Variants in PPP6R2 observed in about 807,000 individuals in gnomAD.
PPP6R2 encodes serine/threonine-protein phosphatase 6 regulatory subunit 2.
PPP6R2 carries 62 observed loss-of-function variants against 100.2 expected under a neutral mutation model. The ratio of observed to expected loss-of-function variants is 0.62; its 90% CI spans 0.50 to 0.76. The LOEUF (loss-of-function observed/expected upper bound fraction) is 0.76, where lower values mean the gene tolerates loss of function less well. Ranked by LOEUF, PPP6R2 falls within the 30% of genes least tolerant of loss-of-function variation. PPP6R2 has a pLI of 0.00. For missense variants in PPP6R2, 1,142 were observed against 1,276.3 expected (o/e 0.89, Z 1.60); for synonymous variants, 525 against 514.7 (o/e 1.02, Z -0.27).
rs375288131 is a variant in PPP6R2 at position 50,432,327 on chromosome 22, G to T, written c.1398G>T (p.Thr466=). ...AGGCCTGGGAAGCCAACGACCACACGCAGTAAGAGCCGCTCGGACGTGGAG... is the reference window on the plus strand; with the variant it reads ...AGGCCTGGGAAGCCAACGACCACACTCAGTAAGAGCCGCTCGGACGTGGAG... ...ILEAWEANDH[T]QAAGGMRRGN... The change falls in exon 12 of 24, where the codon ACG becomes ACT. Residue 466 remains threonine (T), a splice_region_variant and synonymous_variant. Transcript: ENST00000612753. 264 of 1,549,006 alleles carry T rather than the reference G, an allele frequency of 1.7e-4. 1 individual carries two copies. In the East Asian group the frequency reaches 2.9e-3, roughly 17 times the overall value.
At position 50,427,783 on chromosome 22, in the gene PPP6R2, C is replaced by T. The variant is rs189265846; in HGVS notation, c.1126-3390C>T. ...TCGCCCAGGCTGGAGTGCAGTGGCGCGATCTCGGCTCACTGCAGGCTCCGC... is the reference window on the plus strand; with the variant it reads ...TCGCCCAGGCTGGAGTGCAGTGGCGTGATCTCGGCTCACTGCAGGCTCCGC... On this transcript the variant is annotated intron_variant, in intron 10 of 23. Coordinates refer to ENST00000612753, the MANE Select transcript of PPP6R2 (RefSeq NM_001242898.2). Among the ~76,000 whole-genome samples, 514 of 152,300 alleles carry T rather than the reference C, an allele frequency of 3.4e-3. 1 individual carries two copies. The highest frequency in any genetic ancestry group is 6.5e-3 in the Admixed American group (100 of 15,294).
chr22:50,407,860 T>G (rs1051974550), intron 4 of PPP6R2, among the ~76,000 whole-genome samples: 50 of 152,150 alleles, frequency 3.3e-4, no homozygotes, highest in African/African-American at 1.1e-3. Context: ...CCAGATTATT[T>G]CTCATGTAAA....
At chr22:50,377,549 TGAA>T (rs1160577134) in intron 2 of PPP6R2, among the ~76,000 whole-genome samples, 5 of 152,074 alleles carry the variant, frequency 3.3e-5, no homozygotes, top group Non-Finnish European at 4.4e-5. Context: ...TTACCCAGAA[TGAA>T]GCACAGAGAA....
upstream of PPP6R2, among the ~76,000 whole-genome samples, chr22:50,338,779 TG>T: frequency 7.3e-6 from 1 of 136,870 alleles, no homozygotes; most frequent in African/African-American, 2.8e-5. Context: ...GTGTGGTATG[TG>T]GTGTGTGTGG....
intron 4 of PPP6R2, among the ~76,000 whole-genome samples, chr22:50,408,642 C>A (rs2059323369): frequency 6.6e-6 from 1 of 152,122 alleles, no homozygotes; most frequent in African/African-American, 2.4e-5. Context: ...CCTTTACTAC[C>A]TGGCCCTTGC....
rs1490737333 is a variant in PPP6R2 at position 50,436,490 on chromosome 22, G to A, written c.1602+38G>A. On this transcript the variant is annotated intron_variant, in intron 14 of 23. Transcript: ENST00000612753. ...GGGGCTGCCCCCTCGGTGCACGCACGGTGCTGGGACGCCGTCAGACGCTCC... is the reference window on the plus strand; with the variant it reads ...GGGGCTGCCCCCTCGGTGCACGCACAGTGCTGGGACGCCGTCAGACGCTCC... 8 of 1,549,992 alleles carry A rather than the reference G, an allele frequency of 5.2e-6. No homozygotes were observed. In the Admixed American group the frequency reaches 5.9e-5, roughly 11 times the overall value.
upstream of PPP6R2, among the ~76,000 whole-genome samples, chr22:50,340,514 TGGTGTGTGTG>T (rs1246722483): frequency 1.8e-5 from 2 of 110,120 alleles, no homozygotes; most frequent in African/African-American, 1.0e-4. Context: ...GGTGTGTGTG[TGGTGTGTGTG>T]GGGGGTATGT....
chr22:50,357,397 C>T (rs929415438), intron 1 of PPP6R2, among the ~76,000 whole-genome samples: 2 of 150,944 alleles, frequency 1.3e-5, no homozygotes, highest in African/African-American at 2.5e-5. Context: ...TCTTTCCCTC[C>T]CTCTCTCCAT....
intron 17 of PPP6R2, 99 bp downstream of exon 17, chr22:50,437,999 G>A: frequency 2.0e-6 from 3 of 1,512,824 alleles, no homozygotes; most frequent in South Asian, 1.1e-5. Context: ...CGGTGGGGCT[G>A]GGAGAGGCCC....
intron 12 of PPP6R2, among the ~76,000 whole-genome samples, chr22:50,434,034 G>A (rs558623417): frequency 6.4e-4 from 41 of 64,134 alleles, no homozygotes; most frequent in African/African-American, 2.6e-3. Context: ...GAGGAGGGCC[G>A]GGGGCGCGGA....
At chr22:50,365,910 G>C (rs1240322247) in intron 1 of PPP6R2, among the ~76,000 whole-genome samples, 1 of 151,948 alleles carries the variant, frequency 6.6e-6, no homozygotes, top group Non-Finnish European at 1.5e-5. Flanking sequence ...TAACTCATCT[G>C]TGTCATTTCT....
intron 2 of PPP6R2, among the ~76,000 whole-genome samples, chr22:50,392,532 C>T (rs576087659): frequency 1.3e-5 from 2 of 152,162 alleles, no homozygotes; most frequent in Non-Finnish European, 2.9e-5. Flanking sequence ...GCTGCAGGGC[C>T]TCACCCTTAG....
chr22:50,438,092 C>G (rs1356489710), intron 17 of PPP6R2, 82 bp from the exon 18 acceptor site: 1 of 1,541,962 alleles, frequency 6.5e-7, no homozygotes, highest in Admixed American at 2.0e-5. Flanking sequence ...CCGAACTAAG[C>G]CCCTCTGGGA....
At chr22:50,385,586 G>C (rs1392487205) in intron 2 of PPP6R2, among the ~76,000 whole-genome samples, 1 of 149,058 alleles carries the variant, frequency 6.7e-6, no homozygotes, top group African/African-American at 2.5e-5. Context: ...CGCTATCTCG[G>C]CTCACTGCAA....
chr22:50,407,261 C>T (rs998833684), intron 4 of PPP6R2, among the ~76,000 whole-genome samples: 12 of 133,726 alleles, frequency 9.0e-5, no homozygotes, highest in Admixed American at 3.1e-4. Context: ...GCAGGAGAAT[C>T]GCTTGAACCT....
At chr22:50,339,904 TGTG>T (rs2042352495), upstream of PPP6R2, among the ~76,000 whole-genome samples, 1 of 128,316 alleles carries the variant, frequency 7.8e-6, no homozygotes, top group Non-Finnish European at 1.7e-5. Flanking sequence ...GTGTGGTGTG[TGTG>T]GTATGTGGTG....
chr22:50,384,415 C>T (rs1332815039), intron 2 of PPP6R2, among the ~76,000 whole-genome samples: 4 of 152,074 alleles, frequency 2.6e-5, no homozygotes, highest in African/African-American at 4.8e-5. Context: ...ATTAGCCGGG[C>T]GTCGTGGCGG....
chr22:50,412,112 G>A (rs7410305), intron 4 of PPP6R2, among the ~76,000 whole-genome samples: 29,283 of 152,078 alleles, frequency 0.19, 3,103 homozygotes, highest in East Asian at 0.24. Context: ...TAAAACACTA[G>A]TAGAATATCA....
At chr22:50,389,982 C>CTTTTTCTTTT (rs896132166) in intron 2 of PPP6R2, among the ~76,000 whole-genome samples, 1 of 146,118 alleles carries the variant, frequency 6.8e-6, no homozygotes, top group Non-Finnish European at 1.5e-5. Flanking sequence ...TTTCTTTTTT[C>CTTTTTCTTTT]TTTTTCTTTT....
Sources: gnomAD v4.1 joint callset for allele counts (sites outside exome capture counted in the v4.1 genomes callset) on GRCh38, gnomAD v4.1.1 for gene constraint, MANE v1.5 for transcripts, NCBI Gene and HGNC (gene_info 2026-07-23, HGNC 2026-07-21) for gene names.